Variants in GTF2A1L observed in about 807,000 individuals in gnomAD.
GTF2A1L encodes the protein general transcription factor IIA subunit 1 like, also known as TFIIA-alpha and beta-like factor.
In GTF2A1L, 48 loss-of-function variants were observed where a neutral mutation model predicts 49.7. That is an observed-to-expected ratio of 0.97 (90% CI 0.77 to 1.23). GTF2A1L has a LOEUF of 1.23. GTF2A1L is among the 50% of genes most tolerant of loss of function. GTF2A1L has a pLI of 0.00. For synonymous variants in GTF2A1L, 246 were observed against 193.5 expected, an observed-to-expected ratio of 1.27 and a Z score of -2.25; for missense variants, 736 against 564.8, an observed-to-expected ratio of 1.30 and a Z score of -3.07.
chr2:48,631,090 A>T (rs951555623), intron 3 of GTF2A1L, among the ~76,000 whole-genome samples: 5 of 151,800 alleles, frequency 3.3e-5, no homozygotes, highest in African/African-American at 1.2e-4. Flanking sequence ...TTTTTTTATC[A>T]TGTCTTTTTC....
intron 3 of GTF2A1L, among the ~76,000 whole-genome samples, chr2:48,639,951 C>T (rs569205877): frequency 1.3e-5 from 2 of 152,174 alleles, no homozygotes; most frequent in South Asian, 4.2e-4. Flanking sequence ...AAAAAAAGCT[C>T]AATATTACTG....
At chr2:48,640,748 A>G (rs1677155492) in intron 3 of GTF2A1L, among the ~76,000 whole-genome samples, 1 of 152,188 alleles carries the variant, frequency 6.6e-6, no homozygotes, top group South Asian at 2.1e-4. Context: ...AAGTTATGAC[A>G]CTTTTAGTTT....
chr2:48,662,182 T>C (rs1230718425), intron 6 of GTF2A1L, among the ~76,000 whole-genome samples: 2 of 152,226 alleles, frequency 1.3e-5, no homozygotes, highest in African/African-American at 4.8e-5. Flanking sequence ...CCTCCCCTAC[T>C]TTGTCTTATT....
At chr2:48,628,812 T>C (rs1676427778) in intron 3 of GTF2A1L, among the ~76,000 whole-genome samples, 1 of 144,352 alleles carries the variant, frequency 6.9e-6, no homozygotes, top group African/African-American at 2.5e-5. Context: ...AGAATGGTGT[T>C]TCCTAGGTTT....
At chr2:48,673,519 C>T (rs750597385) in intron 8 of GTF2A1L, among the ~76,000 whole-genome samples, 19 of 151,846 alleles carry the variant, frequency 1.3e-4, no homozygotes, top group South Asian at 6.2e-4. Context: ...CCTGCCACCA[C>T]GCCCGGATAA....
At chr2:48,630,199 T>G (rs12988406) in intron 3 of GTF2A1L, among the ~76,000 whole-genome samples, 138,592 of 142,646 alleles carry the variant, frequency 0.97, 67,944 homozygotes, top group East Asian at 1. Context: ...TCTGTAGATT[T>G]CTTTAGGATG....
intron 3 of GTF2A1L, among the ~76,000 whole-genome samples, chr2:48,640,542 GC>G (rs1399978257): frequency 2.6e-5 from 4 of 152,064 alleles, no homozygotes; most frequent in Non-Finnish European, 5.9e-5. Flanking sequence ...TGGAGGGTGG[GC>G]GGGGGCAGAG....
At chr2:48,649,062 A>G (rs1483725845) in intron 6 of GTF2A1L, among the ~76,000 whole-genome samples, 3 of 152,150 alleles carry the variant, frequency 2.0e-5, no homozygotes, top group Non-Finnish European at 4.4e-5. Flanking sequence ...ATGTTGTTTG[A>G]ACATTCTGTT....
chr2:48,629,000 T>C lies in GTF2A1L; in HGVS notation c.247+7710T>C, dbSNP rs150474748. Among the ~76,000 whole-genome samples, 1,118 of 143,198 alleles carry C rather than the reference T, an allele frequency of 7.8e-3. 76 individuals carry two copies. Among genetic ancestry groups the C allele is most frequent in the African/African-American group, 0.026 (1,066 of 40,372 alleles). The allele number at this position is 143,198 out of a possible 152,430, so 93.9% of individuals were successfully genotyped here. On this transcript the variant is annotated intron_variant, in intron 3 of 8. Coordinates refer to ENST00000403751, the MANE Select transcript of GTF2A1L (RefSeq NM_006872.5). ...GGCTCATGCCTGTAATCCCAGCACT[T>C]TGGGAGGCCGAGGTGGGCGGATCAT...
chr2:48,621,440 T>C, intron 3 of GTF2A1L, 150 bp downstream of exon 3: 1 of 1,016,470 alleles, frequency 9.8e-7, no homozygotes, highest in Non-Finnish European at 1.3e-6. Context: ...GTATAAATCA[T>C]TGCCCCATGT....
chr2:48,636,708 G>A (rs1676908279), intron 3 of GTF2A1L, among the ~76,000 whole-genome samples: 1 of 152,152 alleles, frequency 6.6e-6, no homozygotes, highest in Admixed American at 6.5e-5. Context: ...GAGAACTGTT[G>A]TTCTGCATGT....
chr2:48,620,842 T>A lies in GTF2A1L; in HGVS notation c.22-9T>A, dbSNP rs1160722104. ...ATAAAATGAAACTTTAACAATTGCT[T>A]TTATGTAGCCTAAACTCTACAGATC... is the stretch of plus-strand genomic sequence containing the variant. On this transcript the variant is annotated splice_polypyrimidine_tract_variant and intron_variant, in intron 1 of 8. Transcript: ENST00000403751. The A allele has an allele frequency of 3.3e-5, 46 of 1,374,720 alleles. No individual in the cohort carries two copies. Among genetic ancestry groups the A allele is most frequent in the Non-Finnish European group, 4.1e-5 (44 of 1,060,862 alleles). 85.2% of individuals were successfully genotyped at this position (1,374,720 alleles called of 1,614,324 possible). A position where few individuals can be genotyped will look rare whatever the true frequency, so the allele number is the denominator to read the frequency against.
At chr2:48,631,221 C>T (rs1024427322) in intron 3 of GTF2A1L, among the ~76,000 whole-genome samples, 1 of 152,262 alleles carries the variant, frequency 6.6e-6, no homozygotes, top group East Asian at 1.9e-4. Context: ...CTTTGAACAT[C>T]TGGTAGAATT....
chr2:48,649,030 T>C (rs979223904), intron 6 of GTF2A1L, among the ~76,000 whole-genome samples: 1 of 152,178 alleles, frequency 6.6e-6, no homozygotes, highest in African/African-American at 2.4e-5. Flanking sequence ...TATGGATCTA[T>C]AGGTTTAAGA....
At chr2:48,655,627 A>G (rs975129097) in intron 6 of GTF2A1L, among the ~76,000 whole-genome samples, 5 of 152,226 alleles carry the variant, frequency 3.3e-5, no homozygotes, top group Non-Finnish European at 7.3e-5. Flanking sequence ...GCCACATAGT[A>G]TAGTATATCA....
chr2:48,656,295 C>A (rs992416152), intron 6 of GTF2A1L, among the ~76,000 whole-genome samples: 4 of 149,274 alleles, frequency 2.7e-5, no homozygotes, highest in Non-Finnish European at 5.9e-5. Flanking sequence ...ACATTCTCAA[C>A]AGTAGTGCAC....
At chr2:48,658,002 C>G (rs1420769988) in intron 6 of GTF2A1L, among the ~76,000 whole-genome samples, 1 of 152,104 alleles carries the variant, frequency 6.6e-6, no homozygotes, top group Non-Finnish European at 1.5e-5. Flanking sequence ...ATTCTGGATA[C>G]TACAACTTTG....
intron 6 of GTF2A1L, among the ~76,000 whole-genome samples, chr2:48,666,403 G>T (rs914560259): frequency 5.3e-5 from 8 of 151,982 alleles, no homozygotes; most frequent in Non-Finnish European, 1.0e-4. Flanking sequence ...TAGAGATGGG[G>T]TTTCACCATA....
chr2:48,621,385 G>A, intron 3 of GTF2A1L, 95 bp downstream of exon 3: 2 of 1,552,482 alleles, frequency 1.3e-6, no homozygotes, highest in Non-Finnish European at 1.8e-6. Flanking sequence ...TGTTCTTAGG[G>A]TGAGAAGGCT....
Sources: allele counts gnomAD v4.1 joint callset (sites outside exome capture counted in the v4.1 genomes callset), GRCh38; gene constraint gnomAD v4.1.1; transcripts MANE v1.5; gene names NCBI Gene and HGNC (gene_info 2026-07-23, HGNC 2026-07-21).